TBCK: variants seen among roughly 807,000 people sequenced by gnomAD.
The protein encoded by TBCK is TBC domain-containing protein kinase-like protein.
Under a neutral mutation model 113.4 loss-of-function variants are expected in TBCK, and 99 were observed. That is an observed-to-expected ratio of 0.87 (90% CI 0.74 to 1.03). The LOEUF is 1.03. TBCK is among the 50% of genes least tolerant of loss of function. TBCK has a pLI of 0.00. For synonymous variants in TBCK, 369 were observed against 370.8 expected, an observed-to-expected ratio of 1.00 and a Z score of 0.05; for missense variants, 1,045 against 1,061.3, an observed-to-expected ratio of 0.98 and a Z score of 0.21.
intron 25 of TBCK, among the ~76,000 whole-genome samples, chr4:106,053,007 A>G (rs1205409348): frequency 6.6e-6 from 1 of 151,696 alleles, no homozygotes; most frequent in Non-Finnish European, 1.5e-5. Flanking sequence ...AAAAGCCCCA[A>G]TAATACTCTT....
chr4:106,222,958 G>A (rs1461415188), intron 19 of TBCK, among the ~76,000 whole-genome samples: 1 of 151,986 alleles, frequency 6.6e-6, no homozygotes, highest in Non-Finnish European at 1.5e-5. Context: ...CACATATCTT[G>A]CTCTAGCTAA....
At chr4:106,187,413 TTTTTTCC>T (rs1374040216) in intron 22 of TBCK, among the ~76,000 whole-genome samples, 2 of 151,962 alleles carry the variant, frequency 1.3e-5, no homozygotes, top group African/African-American at 4.8e-5. Context: ...TATGATTTTT[TTTTTTCC>T]TTTTTTTCTT....
chr4:106,186,957 G>C (rs1334576023), intron 22 of TBCK, among the ~76,000 whole-genome samples: 1 of 152,092 alleles, frequency 6.6e-6, no homozygotes, highest in Non-Finnish European at 1.5e-5. Context: ...TCTGCATACA[G>C]CTAGCTAGCT....
intron 6 of TBCK, 51 bp downstream of exon 6, chr4:106,251,815 C>A: frequency 7.2e-7 from 1 of 1,391,820 alleles, no homozygotes. Flanking sequence ...AAAGATTATT[C>A]CAATAAATGC....
intron 23 of TBCK, among the ~76,000 whole-genome samples, chr4:106,127,950 T>C (rs1043896772): frequency 6.6e-6 from 1 of 151,064 alleles, no homozygotes; most frequent in African/African-American, 2.4e-5. Context: ...AGGATAGCAC[T>C]ACACACACAC....
intron 3 of TBCK, among the ~76,000 whole-genome samples, chr4:106,285,579 A>G (rs918616383): frequency 6.6e-6 from 1 of 152,180 alleles, no homozygotes. Context: ...TTAAATTTAA[A>G]TTTCTTACCA....
At chr4:106,160,525 G>A (rs1487593341) in intron 23 of TBCK, among the ~76,000 whole-genome samples, 1 of 151,038 alleles carries the variant, frequency 6.6e-6, no homozygotes, top group African/African-American at 2.4e-5. Context: ...TAATCATCAG[G>A]GAAATATAAA....
At chr4:106,315,567 G>T (rs1768720710) in intron 1 of TBCK, 1 of 152,308 alleles carries the variant, frequency 6.6e-6, no homozygotes, top group South Asian at 2.1e-4. Context: ...GCTCAAGGGG[G>T]TGTTACACTT....
chr4:106,166,094 T>A (rs1750338067), intron 23 of TBCK, among the ~76,000 whole-genome samples: 1 of 151,780 alleles, frequency 6.6e-6, no homozygotes, highest in Non-Finnish European at 1.5e-5. Context: ...GAATTCTGAT[T>A]ATGCTAATTT....
At chr4:106,183,092 A>G (rs1752595858) in intron 22 of TBCK, among the ~76,000 whole-genome samples, 1 of 152,094 alleles carries the variant, frequency 6.6e-6, no homozygotes, top group African/African-American at 2.4e-5. Flanking sequence ...ATTTTGGTAA[A>G]GAGCTAAATT....
At chr4:106,054,523 T>TTA (rs749993110) in intron 25 of TBCK, among the ~76,000 whole-genome samples, 2 of 151,670 alleles carry the variant, frequency 1.3e-5, no homozygotes, top group Admixed American at 1.3e-4. Context: ...TATAACCACT[T>TTA]TATATATATA....
At chr4:106,141,377 TATAA>T (rs924131342) in intron 23 of TBCK, among the ~76,000 whole-genome samples, 1 of 140,064 alleles carries the variant, frequency 7.1e-6, no homozygotes, top group African/African-American at 2.5e-5. Context: ...CAGCAGTATA[TATAA>T]ATATTCTCCA....
rs1044134915 is a variant in TBCK, at chr4:106,135,677, T to A, written c.2236-19299A>T. ...AAAGCTCTGGAGGAGCGCAGAAAAA[T>A]TTGATAAATAGTTACTGAATACCTA... On this transcript the variant is annotated intron_variant, in intron 23 of 25. Transcript: ENST00000394708. 2.1e-5 allele frequency among the ~76,000 whole-genome samples: 3 copies of A among 141,068 alleles called. No individual in the cohort carries two copies. The East Asian group carries it at 6.1e-4, about 29-fold the overall frequency. 92.5% of individuals were successfully genotyped at this position (141,068 alleles called of 152,430 possible). A position where few individuals can be genotyped will look rare whatever the true frequency, so the allele number is the denominator to read the frequency against.
rs1265533592 is a variant in TBCK at position 106,236,741 on chromosome 4, G to T, written c.1220+18C>A. The T allele has an allele frequency of 1.5e-6, 2 of 1,364,386 alleles. No individual in the cohort carries two copies. The highest frequency in any genetic ancestry group is 3.4e-5 in the South Asian group (2 of 58,060). The allele number at this position is 1,364,386 out of a possible 1,614,324, so 84.5% of individuals were successfully genotyped here. A position where few individuals can be genotyped will look rare whatever the true frequency, so the allele number is the denominator to read the frequency against. On this transcript the variant is annotated intron_variant, in intron 13 of 25. Coordinates refer to ENST00000394708, the MANE Select transcript of TBCK (RefSeq NM_001163435.3). ...ATAGAAAGAAAAATAAATCTAAAATGAGACTACATATACTCACTCATCTTC... is the reference window on the plus strand; with the variant it reads ...ATAGAAAGAAAAATAAATCTAAAATTAGACTACATATACTCACTCATCTTC...
At chr4:106,099,230 C>A (rs1741272047) in intron 24 of TBCK, among the ~76,000 whole-genome samples, 1 of 152,090 alleles carries the variant, frequency 6.6e-6, no homozygotes, top group South Asian at 2.1e-4. Flanking sequence ...TTTGAAAATT[C>A]CTTTAAAATA....
intron 25 of TBCK, among the ~76,000 whole-genome samples, chr4:106,094,744 T>C (rs1281435843): frequency 6.6e-6 from 1 of 152,188 alleles, no homozygotes; most frequent in Non-Finnish European, 1.5e-5. Flanking sequence ...CCTGCTTATC[T>C]TCCTTTTAGA....
At chr4:106,223,773 C>G (rs1000159438) in intron 19 of TBCK, among the ~76,000 whole-genome samples, 3 of 152,126 alleles carry the variant, frequency 2.0e-5, no homozygotes, top group African/African-American at 7.2e-5. Flanking sequence ...CCTGGTTCCT[C>G]ACTGGCCTGA....
At chr4:106,220,229 C>T (rs146648889) in intron 19 of TBCK, among the ~76,000 whole-genome samples, 6 of 152,118 alleles carry the variant, frequency 3.9e-5, no homozygotes, top group East Asian at 1.9e-4. Flanking sequence ...TGCTCTTGCC[C>T]GTGCTATTCT....
chr4:106,071,033 C>A (rs759517908), intron 25 of TBCK, among the ~76,000 whole-genome samples: 25 of 152,026 alleles, frequency 1.6e-4, no homozygotes, highest in Non-Finnish European at 1.9e-4. Flanking sequence ...TTTTGTTGAC[C>A]TTTTCAACAA....
Sources: gnomAD v4.1 joint callset for allele counts (sites outside exome capture counted in the v4.1 genomes callset) on GRCh38, gnomAD v4.1.1 for gene constraint, MANE v1.5 for transcripts, NCBI Gene and HGNC (gene_info 2026-07-23, HGNC 2026-07-21) for gene names.